The following SYCP2L variants were observed in gnomAD, a reference collection of about 807,000 sequenced individuals.
SYCP2L encodes synaptonemal complex protein 2-like.
SYCP2L carries 98 observed loss-of-function variants against 125.8 expected under a neutral mutation model. The ratio of observed to expected loss-of-function variants is 0.78; its 90% CI spans 0.66 to 0.92. SYCP2L has a LOEUF of 0.92. Among genes scored for constraint, SYCP2L ranks in the 40% least tolerant of loss-of-function variants. The pLI, the probability that SYCP2L is intolerant of heterozygous loss-of-function variation, is 0.00. For synonymous variants in SYCP2L, 317 were observed against 325.4 expected, an observed-to-expected ratio of 0.97 and a Z score of 0.28; for missense variants, 842 against 936.4, an observed-to-expected ratio of 0.90 and a Z score of 1.32.
intron 26 of SYCP2L, 48 bp downstream of exon 26, chr6:10,958,923 C>A: frequency 2.0e-6 from 3 of 1,533,794 alleles, no homozygotes; most frequent in South Asian, 1.1e-5. Flanking sequence ...GATCACTCAC[C>A]AACAGCGTTT....
intron 29 of SYCP2L, among the ~76,000 whole-genome samples, chr6:10,966,771 T>C (rs1408053658): frequency 6.6e-6 from 1 of 152,192 alleles, no homozygotes; most frequent in Non-Finnish European, 1.5e-5. Context: ...CAAACCTGGT[T>C]CTTTAGAAAG....
At position 10,947,309 on chromosome 6, in the gene SYCP2L, A is replaced by T. The variant is rs574647501; in HGVS notation, c.1954+4563A>T. ...TTTCATATAAATTTAGACCAAGTTG[A>T]TCAAGTTACTTAAGTTCACTAGAAT... On this transcript the variant is annotated intron_variant, in intron 23 of 29. Transcript: ENST00000283141. Among the ~76,000 whole-genome samples the T allele has an allele frequency of 1.5e-3, 234 of 152,166 alleles. 1 individual carries two copies. Among genetic ancestry groups the T allele is most frequent in the Non-Finnish European group, 2.6e-3 (177 of 67,906 alleles).
intron 23 of SYCP2L, 78 bp downstream of exon 23, chr6:10,942,824 C>T: frequency 4.6e-6 from 6 of 1,316,296 alleles, no homozygotes; most frequent in Non-Finnish European, 5.2e-6. Context: ...TGGGCTGTTA[C>T]TCAGATTGCA....
chr6:10,938,814 CTAAG>C (rs1342373744), intron 21 of SYCP2L, among the ~76,000 whole-genome samples: 2 of 152,062 alleles, frequency 1.3e-5, no homozygotes, highest in African/African-American at 2.4e-5. Context: ...AGTAAACTGT[CTAAG>C]AAAGAAATCA....
intron 1 of SYCP2L, among the ~76,000 whole-genome samples, chr6:10,889,730 C>T (rs1307198067): frequency 1.3e-5 from 2 of 149,404 alleles, no homozygotes; most frequent in African/African-American, 5.0e-5. Context: ...AAGCGATTCT[C>T]TTGCTTCAGC....
chr6:10,972,345 C>G (rs1309578098), intron 29 of SYCP2L, among the ~76,000 whole-genome samples: 4 of 152,252 alleles, frequency 2.6e-5, no homozygotes, highest in South Asian at 4.2e-4. Context: ...ATTCCCAGCT[C>G]CAATAGAGAA....
rs1780285374 is a variant in SYCP2L, at chr6:10,897,886, AAATGG to A, written c.337-114_337-110del. ...GAGGCCTCAGAGCCAGGCCTCATTG[AAATGG>A]AATGGAATGGGAAAAGATCTTTAAG... is the stretch of plus-strand genomic sequence containing the variant. On this transcript the variant is annotated intron_variant, in intron 4 of 29. Transcript: ENST00000283141. The A allele has an allele frequency of 2.4e-5, 16 of 680,750 alleles. No homozygotes were observed. In the East Asian group the frequency reaches 2.8e-4, roughly 12 times the overall value. 42.2% of individuals were successfully genotyped at this position (680,750 alleles called of 1,614,324 possible). A position where few individuals can be genotyped will look rare whatever the true frequency, so the allele number is the denominator to read the frequency against.
chr6:10,938,643 T>G (rs1221992708), intron 21 of SYCP2L, among the ~76,000 whole-genome samples: 1 of 152,220 alleles, frequency 6.6e-6, no homozygotes, highest in Non-Finnish European at 1.5e-5. Flanking sequence ...TGATTTTACA[T>G]ATATCAAACT....
In SYCP2L at chr6:10,924,371, T is replaced by C. The variant is rs187330178; in HGVS notation, c.1073-125T>C. 1.9e-5 allele frequency: 15 copies of C among 771,910 alleles called. No homozygotes were observed. The African/African-American group carries it at 2.7e-4, about 14-fold the overall frequency. The allele number at this position is 771,910 out of a possible 1,614,324, so 47.8% of individuals were successfully genotyped here. ...AAGTAATGTTATTTAATATGATTTC[T>C]TTTCAACTTCTTAACACAGAAAAAT... On this transcript the variant is annotated intron_variant, in intron 14 of 29. Coordinates refer to ENST00000283141, the MANE Select transcript of SYCP2L (RefSeq NM_001040274.3).
chr6:10,891,625 G>GTA, intron 2 of SYCP2L, 44 bp downstream of exon 2: 17 of 360,204 alleles, frequency 4.7e-5, no homozygotes, highest in Non-Finnish European at 6.7e-5. Flanking sequence ...GTGTGTGTGT[G>GTA]TGTGTGTGTG....
chr6:10,902,585 C>G, intron 6 of SYCP2L, 92 bp from the exon 7 acceptor site: 2 of 1,049,056 alleles, frequency 1.9e-6, no homozygotes, highest in Non-Finnish European at 1.4e-6. Context: ...AAAGCCAGAA[C>G]GACATCCTTA....
At chr6:10,949,549 C>G (rs890822033) in intron 23 of SYCP2L, among the ~76,000 whole-genome samples, 4 of 152,076 alleles carry the variant, frequency 2.6e-5, no homozygotes, top group Non-Finnish European at 5.9e-5. Flanking sequence ...ATCCAAATTT[C>G]ATAAGTGTTC....
intron 8 of SYCP2L, among the ~76,000 whole-genome samples, chr6:10,904,768 C>A (rs552800237): frequency 1.3e-4 from 20 of 152,266 alleles, no homozygotes; most frequent in Non-Finnish European, 2.1e-4. Context: ...CGAGCTGCTT[C>A]TTACAAGAGA....
At chr6:10,899,773 GGTT>G (rs1435353709) in intron 6 of SYCP2L, among the ~76,000 whole-genome samples, 3 of 152,122 alleles carry the variant, frequency 2.0e-5, no homozygotes, top group African/African-American at 7.2e-5. Flanking sequence ...CCCTGTGCTT[GGTT>G]GACTTTAAAA....
chr6:10,943,257 C>A (rs1460334648), intron 23 of SYCP2L, among the ~76,000 whole-genome samples: 2 of 152,088 alleles, frequency 1.3e-5, no homozygotes, highest in African/African-American at 4.8e-5. Context: ...TAATACTTTT[C>A]TACTGTTTAT....
intron 23 of SYCP2L, among the ~76,000 whole-genome samples, chr6:10,953,999 C>T (rs897204001): frequency 8.5e-5 from 13 of 152,218 alleles, no homozygotes; most frequent in African/African-American, 3.1e-4. Flanking sequence ...TACAAGGAGA[C>T]CAGGATATCA....
Position 10,894,147 on chromosome 6 carries a change from C to G in SYCP2L, c.279C>G (p.Leu93=). The G allele has an allele frequency of 3.5e-5, 56 of 1,613,582 alleles. No homozygotes were observed. The highest frequency in any genetic ancestry group is 4.6e-5 in the Non-Finnish European group (54 of 1,179,850). Residue 93 remains leucine, a synonymous_variant, in exon 4 of 30, where the codon CTC becomes CTG. Transcript: ENST00000283141. The part of the protein sequence containing the change: ...SLLLKCIQRF[L]VDGLKEDEPL... ...TGCTGAAATGTATTCAGCGATTCCT[C>G]GTAGATGGCCTGAAAGAAGATGAAC...
At chr6:10,947,794 G>GA (rs1213840514) in intron 23 of SYCP2L, among the ~76,000 whole-genome samples, 1 of 152,030 alleles carries the variant, frequency 6.6e-6, no homozygotes, top group Non-Finnish European at 1.5e-5. Context: ...AAATAGCAGT[G>GA]AAAATCTGCA....
At position 10,912,970 on chromosome 6, in the gene SYCP2L, T is replaced by C; in HGVS notation, c.1072+43T>C. On this transcript the variant is annotated intron_variant, in intron 14 of 29. Coordinates refer to ENST00000283141, the MANE Select transcript of SYCP2L (RefSeq NM_001040274.3). This position sits in a 1 kb window ranked among gnomAD's most constrained non-coding sequence, Gnocchi z 4.1. ...AACAACCCACGTCCAGTTCCAAATA[T>C]TATTTCTGTTGTATATGCAGTGTGT... 1 of 1,569,358 alleles carries C rather than the reference T, an allele frequency of 6.4e-7. No individual in the cohort carries two copies. Among genetic ancestry groups the C allele is most frequent in the Non-Finnish European group, 8.7e-7 (1 of 1,146,128 alleles).
Sources: gnomAD v4.1 joint callset for allele counts (sites outside exome capture counted in the v4.1 genomes callset) on GRCh38, gnomAD v4.1.1 for gene constraint, Gnocchi (gnomAD v3.1) non-coding constraint, MANE v1.5 for transcripts, NCBI Gene and HGNC (gene_info 2026-07-23, HGNC 2026-07-21) for gene names.